Variants in ZNF676 observed in about 807,000 individuals in gnomAD.
ZNF676 encodes zinc finger protein 676.
A neutral mutation model predicts 6.0 loss-of-function variants in ZNF676; 4 were observed. The ratio of observed to expected loss-of-function variants is 0.67; its 90% CI spans 0.33 to 1.53. ZNF676 has a LOEUF of 1.53. Among genes scored for constraint, ZNF676 ranks in the 40% most tolerant of loss-of-function variants. The pLI, the probability that ZNF676 is intolerant of heterozygous loss-of-function variation, is 0.06. For missense variants in ZNF676, 644 were observed against 679.7 expected, an observed-to-expected ratio of 0.95 and a Z score of 0.58; for synonymous variants, 198 against 223.1, an observed-to-expected ratio of 0.89 and a Z score of 1.00.
the ZNF676 span, among the ~76,000 whole-genome samples, chr19:22,235,677 A>G: frequency 6.6e-6 from 1 of 152,232 alleles, no homozygotes; most frequent in Non-Finnish European, 1.5e-5. Flanking sequence ...TTCGATCAGC[A>G]TAATGTCATC....
the ZNF676 span, among the ~76,000 whole-genome samples, chr19:22,253,377 T>C: frequency 1.6e-5 from 1 of 63,632 alleles, no homozygotes; most frequent in Non-Finnish European, 3.0e-5. Flanking sequence ...TGTGTGTATA[T>C]ATATATATAT....
intron 2 of ZNF676, among the ~76,000 whole-genome samples, chr19:22,188,455 C>T (rs2023866103): frequency 6.6e-6 from 1 of 152,138 alleles, no homozygotes; most frequent in South Asian, 2.1e-4. Flanking sequence ...TGGCACAAGA[C>T]AAGGATGCCC....
At chr19:22,215,611 T>A in intron 1 of ZNF676, 1 of 1,610,496 alleles carries the variant, frequency 6.2e-7, no homozygotes. Context: ...TCTCTCAGTG[T>A]GTCGGACCCG....
chr19:22,182,585 T>TTAAAAAAAAAA (rs376894161), intron 2 of ZNF676, among the ~76,000 whole-genome samples: 1 of 45,066 alleles, frequency 2.2e-5, no homozygotes, highest in African/African-American at 1.1e-4. Flanking sequence ...GTCAAAGTTC[T>TTAAAAAAAAAA]AAAAAAAAAA....
Position 22,180,510 on chromosome 19 carries a change from T to C in ZNF676, c.1207A>G (p.Asn403Asp), listed in dbSNP as rs769014606. The C allele has an allele frequency of 8.7e-6, 14 of 1,607,794 alleles. No individual in the cohort carries two copies. The highest frequency in any genetic ancestry group is 1.2e-5 in the Non-Finnish European group (14 of 1,178,014). ...YKCEECGKAS[N>D]SSSKLMEHKR... ...TGTTCCATGAGCTTTGAGGATGAGT[T>C]GGAAGCTTTGCCACATTCTTCACAT... The change falls in exon 3 of 3, where the codon AAC becomes GAC. Residue 403 changes from asparagine to aspartate, a missense_variant. Asn to Asp is a conservative substitution (Grantham distance 23). Transcript: ENST00000397121.
At chr19:22,220,647 G>T (rs1434130954), upstream of ZNF676, among the ~76,000 whole-genome samples, 2 of 151,874 alleles carry the variant, frequency 1.3e-5, no homozygotes, top group Non-Finnish European at 2.9e-5. Context: ...AGTAGAGATG[G>T]GGTTTTGCCA....
chr19:22,257,621 C>A, the ZNF676 span, among the ~76,000 whole-genome samples: 1 of 152,184 alleles, frequency 6.6e-6, no homozygotes, highest in South Asian at 2.1e-4. Context: ...GTCACAATAG[C>A]AATGTATGTA....
chr19:22,251,804 A>AAT, the ZNF676 span, among the ~76,000 whole-genome samples: 44 of 151,238 alleles, frequency 2.9e-4, no homozygotes, highest in African/African-American at 1.0e-3. Flanking sequence ...AAAAAAAAAA[A>AAT]TCCGGATCAC....
At chr19:22,198,487 G>C (rs1212495169), upstream of ZNF676, among the ~76,000 whole-genome samples, 1 of 152,170 alleles carries the variant, frequency 6.6e-6, no homozygotes, top group East Asian at 1.9e-4. Context: ...AGTGGACACA[G>C]ATCTTGATCT....
chr19:22,181,361 G>A lies in ZNF676; in HGVS notation c.356C>T (p.Ala119Val). The A allele has an allele frequency of 6.2e-7, 1 of 1,613,648 alleles. No individual in the cohort carries two copies. The highest frequency in any genetic ancestry group is 8.5e-7 in the Non-Finnish European group (1 of 1,179,726). ...QSKVFQCGKY[A>V]NVFHKCSNSN... is the part of the protein sequence containing the mutation. ...ATTTGAACATTTATGAAAGACGTTT[G>A]CATATTTGCCACATTGAAATACTTT... The change falls in exon 3 of 3, where the codon GCA becomes GTA. Residue 119 changes from alanine to valine, a missense_variant. This residue lies in a region of ZNF676 where 280 missense variants were observed against 269.3 expected (regional missense o/e 1.04). Coordinates refer to ENST00000397121, the MANE Select transcript of ZNF676 (RefSeq NM_001001411.3).
chr19:22,180,136 A>G lies in ZNF676; in HGVS notation c.1581T>C (p.His527=), dbSNP rs1314544787. The G allele has an allele frequency of 7.4e-6, 12 of 1,613,608 alleles. No homozygotes were observed. Among genetic ancestry groups the G allele is most frequent in the Admixed American group, 1.7e-5 (1 of 59,954 alleles). ...CACATTTGTAGGGTTTCTCTCCAGTATGAATTATCTTATGTTCAGTAAGGA... is the reference window on the plus strand; with the variant it reads ...CACATTTGTAGGGTTTCTCTCCAGTGTGAATTATCTTATGTTCAGTAAGGA... ...SSILTEHKII[H]TGEKPYKCEE... The change falls in exon 3 of 3, where the codon CAT becomes CAC. Residue 527 remains histidine (H), a synonymous_variant. Transcript: ENST00000397121.
chr19:22,226,075 A>C, the ZNF676 span, among the ~76,000 whole-genome samples: 17 of 152,096 alleles, frequency 1.1e-4, no homozygotes, highest in South Asian at 3.5e-3. Flanking sequence ...TTTTATATCT[A>C]AGTATTTTAT....
chr19:22,235,443 C>T, the ZNF676 span, among the ~76,000 whole-genome samples: 2 of 152,140 alleles, frequency 1.3e-5, no homozygotes, highest in African/African-American at 4.8e-5. Context: ...CCCAAATAGG[C>T]CCACTAGACA....
upstream of ZNF676, among the ~76,000 whole-genome samples, chr19:22,201,542 G>A (rs569389987): frequency 2.0e-5 from 3 of 152,140 alleles, no homozygotes; most frequent in South Asian, 6.2e-4. Flanking sequence ...AATGAAAGGA[G>A]AGATCCCCTC....
At chr19:22,211,665 AT>A (rs1350976916) in intron 1 of ZNF676, among the ~76,000 whole-genome samples, 3 of 152,176 alleles carry the variant, frequency 2.0e-5, no homozygotes, top group African/African-American at 7.2e-5. Context: ...AAAATTTACC[AT>A]TAAACTCAGA....
At chr19:22,252,666 G>A in the ZNF676 span, among the ~76,000 whole-genome samples, 1 of 152,228 alleles carries the variant, frequency 6.6e-6, no homozygotes, top group Non-Finnish European at 1.5e-5. Flanking sequence ...ACAGGGTGGA[G>A]GATTACATCA....
At chr19:22,198,550 T>C (rs570157639), upstream of ZNF676, among the ~76,000 whole-genome samples, 20 of 152,188 alleles carry the variant, frequency 1.3e-4, no homozygotes, top group African/African-American at 4.8e-4. Flanking sequence ...TTCTCCTCCT[T>C]CCCTAGGATT....
At position 22,196,580 on chromosome 19, in the gene ZNF676, C is replaced by T. The variant is rs375779736; in HGVS notation, c.34+20G>A. On this transcript the variant is annotated intron_variant, in intron 1 of 2. Transcript: ENST00000397121. Reference sequence around the variant, plus strand: ...AACCTGTAGTATATACTAGGAATTGCGTATTAAAGTTATTCTCACCCAGGA... The same window carrying T: ...AACCTGTAGTATATACTAGGAATTGTGTATTAAAGTTATTCTCACCCAGGA... The T allele has an allele frequency of 4.2e-5, 67 of 1,613,458 alleles. 1 individual carries two copies. Among genetic ancestry groups the T allele is most frequent in the East Asian group, 1.1e-4 (5 of 44,878 alleles).
At chr19:22,212,898 G>A (rs546235373) in intron 1 of ZNF676, among the ~76,000 whole-genome samples, 2 of 151,754 alleles carry the variant, frequency 1.3e-5, no homozygotes, top group Non-Finnish European at 2.9e-5. Context: ...GGGAGGCTGC[G>A]GCAGAAGAAT....
Sources: gnomAD v4.1 joint callset for allele counts (sites outside exome capture counted in the v4.1 genomes callset) on GRCh38, gnomAD v4.1.1 for gene constraint, gnomAD v4.1.1 regional missense constraint, MANE v1.5 for transcripts, NCBI Gene and HGNC (gene_info 2026-07-23, HGNC 2026-07-21) for gene names.